The following DNER variants were observed in gnomAD, a reference collection of about 807,000 sequenced individuals.
DNER encodes the protein delta and Notch-like epidermal growth factor-related receptor.
In DNER, 33 loss-of-function variants were observed where a neutral mutation model predicts 78.2. The observed-to-expected ratio is 0.42, with a 90% CI of 0.32 to 0.56. The LOEUF is 0.56. Ranked by LOEUF, DNER falls within the 20% of genes least tolerant of loss-of-function variation. The probability of loss-of-function intolerance (pLI) is 0.11; values close to 1 mark genes in which losing one functional copy is unlikely to be tolerated. For missense variants in DNER, 918 were observed against 975.3 expected (o/e 0.94, Z 0.78); for synonymous variants, 417 against 384.8 (o/e 1.08, Z -0.98).
At chr2:229,580,499 G>A (rs1697373047) in intron 4 of DNER, among the ~76,000 whole-genome samples, 1 of 152,120 alleles carries the variant, frequency 6.6e-6, no homozygotes, top group South Asian at 2.1e-4. Flanking sequence ...TAATAAAAGG[G>A]ATTGAAAAAA....
chr2:229,633,747 C>T (rs369581962), intron 1 of DNER, among the ~76,000 whole-genome samples: 254 of 152,260 alleles, frequency 1.7e-3, no homozygotes, highest in African/African-American at 5.7e-3. Flanking sequence ...GGACAGCAGG[C>T]GCCCAAACCA....
At chr2:229,593,208 C>T (rs1042024829) in intron 1 of DNER, among the ~76,000 whole-genome samples, 4 of 152,270 alleles carry the variant, frequency 2.6e-5, no homozygotes, top group South Asian at 2.1e-4. Context: ...ACTCCTTCTT[C>T]GGCAGACAAA....
chr2:229,505,536 AG>A (rs1326520781), intron 6 of DNER, among the ~76,000 whole-genome samples: 3 of 152,184 alleles, frequency 2.0e-5, no homozygotes, highest in African/African-American at 4.8e-5. Flanking sequence ...TGACAGAGGC[AG>A]GGGTGACCTT....
chr2:229,427,847 C>T (rs1574838786), intron 8 of DNER, among the ~76,000 whole-genome samples: 1 of 152,012 alleles, frequency 6.6e-6, no homozygotes, highest in Non-Finnish European at 1.5e-5. Context: ...GAGGCTGAGG[C>T]GGGCAGATCA....
At chr2:229,498,215 C>T (rs1334295983) in intron 6 of DNER, among the ~76,000 whole-genome samples, 1 of 152,020 alleles carries the variant, frequency 6.6e-6, no homozygotes, top group African/African-American at 2.4e-5. Context: ...AAGCATTTGA[C>T]CAAATTTAGC....
At chr2:229,418,047 T>C in intron 9 of DNER, 61 bp downstream of exon 9, 7 of 1,612,022 alleles carry the variant, frequency 4.3e-6, no homozygotes, top group Non-Finnish European at 5.1e-6. Context: ...GCATTTACAC[T>C]GAGAAATACA....
intron 11 of DNER, among the ~76,000 whole-genome samples, chr2:229,372,203 C>T (rs1692499229): frequency 6.6e-6 from 1 of 152,150 alleles, no homozygotes; most frequent in South Asian, 2.1e-4. Flanking sequence ...TCATGTAGTC[C>T]CCAGTTTTCT....
chr2:229,468,628 T>C (rs1249127683), intron 7 of DNER, among the ~76,000 whole-genome samples: 3 of 152,102 alleles, frequency 2.0e-5, no homozygotes, highest in Admixed American at 1.3e-4. Flanking sequence ...AAAACTCTGA[T>C]CCCCGAAATA....
chr2:229,359,497 G>A lies in DNER; in HGVS notation c.2103-846C>T, dbSNP rs535157622. On this transcript the variant is annotated intron_variant, in intron 12 of 12. Coordinates refer to ENST00000341772, the MANE Select transcript of DNER (RefSeq NM_139072.4). Reference sequence around the variant, plus strand: ...CCCTGGAGTGCAACAGGATTCAAACGATCTTCCACACTAACCCATCCTCCC... The same window carrying A: ...CCCTGGAGTGCAACAGGATTCAAACAATCTTCCACACTAACCCATCCTCCC... 2.0e-5 allele frequency among the ~76,000 whole-genome samples: 3 copies of A among 152,062 alleles called. No homozygotes were observed. The East Asian group carries it at 5.8e-4, about 29-fold the overall frequency.
intron 1 of DNER, among the ~76,000 whole-genome samples, chr2:229,651,560 C>T (rs1263796655): frequency 6.6e-6 from 1 of 152,098 alleles, no homozygotes; most frequent in Non-Finnish European, 1.5e-5. Flanking sequence ...GCCGAAGGAC[C>T]CAGCCAGGTC....
In DNER at chr2:229,504,271, G is replaced by C. The variant is rs185816175; in HGVS notation, c.1147+8512C>G. ...GTCTCACTCTGTTGCCCAGGCTGGA[G>C]TGCAGTGGTGTGATCTTGGCTCACT... On this transcript the variant is annotated intron_variant, in intron 6 of 12. Coordinates refer to ENST00000341772, the MANE Select transcript of DNER (RefSeq NM_139072.4). Among the ~76,000 whole-genome samples the C allele has an allele frequency of 8.7e-4, 132 of 151,958 alleles. No individual in the cohort carries two copies. The East Asian group carries it at 0.025, about 29-fold the overall frequency.
chr2:229,657,927 A>T (rs1399394377), intron 1 of DNER, among the ~76,000 whole-genome samples: 2 of 150,118 alleles, frequency 1.3e-5, no homozygotes, highest in Non-Finnish European at 1.5e-5. Flanking sequence ...CATTAATTTA[A>T]AAAAAAAACT....
At chr2:229,380,487 G>T (rs1692711931) in intron 11 of DNER, among the ~76,000 whole-genome samples, 1 of 152,214 alleles carries the variant, frequency 6.6e-6, no homozygotes, top group Non-Finnish European at 1.5e-5. Flanking sequence ...CCCAGGAAAA[G>T]AAGCAATCTG....
chr2:229,425,116 C>T (rs1693844715), intron 8 of DNER, among the ~76,000 whole-genome samples: 1 of 152,126 alleles, frequency 6.6e-6, no homozygotes, highest in Non-Finnish European at 1.5e-5. Flanking sequence ...AGGGCTTCTG[C>T]CCTTGTGGGT....
chr2:229,530,777 A>C (rs929494359), intron 5 of DNER, among the ~76,000 whole-genome samples: 1 of 152,266 alleles, frequency 6.6e-6, no homozygotes, highest in Admixed American at 6.5e-5. Flanking sequence ...TGCCTGTGGC[A>C]CAATTAAATG....
At chr2:229,642,519 A>G (rs1698643661) in intron 1 of DNER, among the ~76,000 whole-genome samples, 1 of 152,246 alleles carries the variant, frequency 6.6e-6, no homozygotes, top group East Asian at 1.9e-4. Context: ...AAGCTACAAC[A>G]CATGGCAGAA....
At chr2:229,704,666 C>T (rs748199213) in intron 1 of DNER, among the ~76,000 whole-genome samples, 8 of 152,042 alleles carry the variant, frequency 5.3e-5, no homozygotes, top group Admixed American at 2.0e-4. Context: ...GGACTGGGGC[C>T]GGGGAGAGGT....
At position 229,662,901 on chromosome 2, in the gene DNER, A is replaced by T. The variant is rs1559199875; in HGVS notation, c.276+51247T>A. ...ACAAAAATAAGAAACTGTGCTGACA[A>T]CCTCTGTGACCTAAATCCAGTCTGT... is the stretch of plus-strand genomic sequence containing the variant. On this transcript the variant is annotated intron_variant, in intron 1 of 12. Transcript: ENST00000341772. Among the ~76,000 whole-genome samples the T allele has an allele frequency of 3.3e-5, 5 of 152,338 alleles. No homozygotes were observed. In the South Asian group the frequency reaches 1.0e-3, roughly 32 times the overall value.
chr2:229,575,269 C>T (rs558182291), intron 4 of DNER, among the ~76,000 whole-genome samples: 8 of 151,770 alleles, frequency 5.3e-5, no homozygotes, highest in Non-Finnish European at 1.0e-4. Context: ...CTTCTCAAAA[C>T]CAGGCAATCC....
Sources: allele counts gnomAD v4.1 joint callset (sites outside exome capture counted in the v4.1 genomes callset), GRCh38; gene constraint gnomAD v4.1.1; transcripts MANE v1.5; gene names NCBI Gene and HGNC (gene_info 2026-07-23, HGNC 2026-07-21).